Variants in IL1R1 observed in about 807,000 individuals in gnomAD.
The protein encoded by IL1R1 is interleukin 1 receptor type 1.
Under a neutral mutation model 50.2 loss-of-function variants are expected in IL1R1, and 22 were observed. The ratio of observed to expected loss-of-function variants is 0.44; its 90% CI spans 0.31 to 0.63. IL1R1 has a LOEUF of 0.63. Ranked by LOEUF, IL1R1 falls within the 20% of genes least tolerant of loss-of-function variation. IL1R1 has a pLI of 0.07. For missense variants in IL1R1, 509 were observed against 676.2 expected (o/e 0.75, Z 2.74); for synonymous variants, 251 against 236.7 (o/e 1.06, Z -0.55).
Position 102,146,684 on chromosome 2 carries a change from A to G in IL1R1, c.-84+3664A>G, listed in dbSNP as rs1204851549. On this transcript the variant is annotated intron_variant, in intron 1 of 11. Transcript: ENST00000410023. ...GTGTATAAACTTGTGCCAACAATAT[A>G]TGTATTTCATATGAATGTAGAAGGG... Among the ~76,000 whole-genome samples, 3 of 152,326 alleles carry G rather than the reference A, an allele frequency of 2.0e-5. No individual in the cohort carries two copies. In the East Asian group the frequency reaches 5.8e-4, roughly 29 times the overall value.
At position 102,144,829 on chromosome 2, in the gene IL1R1, T is replaced by A. The variant is rs137964034; in HGVS notation, c.-84+1809T>A. Reference sequence around the variant, plus strand: ...ATGGGCACAGATGTAGCTCTGTGGTTCCCTAGAGAATCGCAGGGCTGCTAT... The same window carrying A: ...ATGGGCACAGATGTAGCTCTGTGGTACCCTAGAGAATCGCAGGGCTGCTAT... On this transcript the variant is annotated intron_variant, in intron 1 of 11. Transcript: ENST00000410023. Among the ~76,000 whole-genome samples, 758 of 152,272 alleles carry A rather than the reference T, an allele frequency of 5.0e-3. 5 individuals carry two copies. The highest frequency in any genetic ancestry group is 0.017 in the African/African-American group (712 of 41,552).
chr2:102,126,335 G>A (rs972084098), intron 1 of IL1R1, among the ~76,000 whole-genome samples: 11 of 152,284 alleles, frequency 7.2e-5, no homozygotes, highest in East Asian at 5.8e-4. Context: ...CTTGTGCCTC[G>A]CTGGAGAGCC....
intron 1 of IL1R1, among the ~76,000 whole-genome samples, chr2:102,132,866 G>A (rs1324886549): frequency 6.6e-6 from 1 of 152,170 alleles, no homozygotes; most frequent in Non-Finnish European, 1.5e-5. Context: ...TAAATTCTTT[G>A]AAGGACCCAA....
At chr2:102,075,569 A>T (rs1288631454) in intron 1 of IL1R1, among the ~76,000 whole-genome samples, 4 of 152,208 alleles carry the variant, frequency 2.6e-5, no homozygotes, top group Admixed American at 2.6e-4. Flanking sequence ...ATACAAATAC[A>T]CATATTTTGA....
chr2:102,102,000 G>C (rs117722856), upstream of IL1R1, among the ~76,000 whole-genome samples: 3 of 152,144 alleles, frequency 2.0e-5, no homozygotes, highest in Non-Finnish European at 2.9e-5. Flanking sequence ...TGTGTGTGGC[G>C]TGTGTGTTCA....
upstream of IL1R1, among the ~76,000 whole-genome samples, chr2:102,139,726 TG>T (rs540678504): frequency 5.6e-4 from 85 of 152,354 alleles, 1 homozygote; most frequent in African/African-American, 2.0e-3. Flanking sequence ...CCTCCTGCTC[TG>T]GCCACGTGAC....
At chr2:102,162,353 A>G (rs1684803570) in intron 3 of IL1R1, among the ~76,000 whole-genome samples, 1 of 152,054 alleles carries the variant, frequency 6.6e-6, no homozygotes. Context: ...CAATCTGATC[A>G]TTTCCGCCTT....
upstream of IL1R1, among the ~76,000 whole-genome samples, chr2:102,141,306 C>G (rs1682631927): frequency 6.6e-6 from 1 of 152,242 alleles, no homozygotes; most frequent in Non-Finnish European, 1.5e-5. Context: ...CCCAGAGACT[C>G]TGACGTGACT....
At chr2:102,093,390 A>G (rs1439506495) in intron 1 of IL1R1, among the ~76,000 whole-genome samples, 1 of 152,202 alleles carries the variant, frequency 6.6e-6, no homozygotes, top group Non-Finnish European at 1.5e-5. Context: ...GATAACAGGT[A>G]TATGTTTAAC....
At chr2:102,169,182 C>T (rs1685458364) in intron 7 of IL1R1, among the ~76,000 whole-genome samples, 1 of 152,106 alleles carries the variant, frequency 6.6e-6, no homozygotes, top group South Asian at 2.1e-4. Context: ...ATGACCAGAT[C>T]CAAGCTTTGA....
chr2:102,101,539 C>T (rs1680142802), upstream of IL1R1, among the ~76,000 whole-genome samples: 1 of 152,206 alleles, frequency 6.6e-6, no homozygotes, highest in African/African-American at 2.4e-5. Context: ...CACACACATA[C>T]TGTACGTGCT....
chr2:102,094,562 A>T (rs1679816924), intron 1 of IL1R1, among the ~76,000 whole-genome samples: 1 of 152,164 alleles, frequency 6.6e-6, no homozygotes, highest in East Asian at 1.9e-4. Context: ...TGAAAGGAAA[A>T]CTTTAGTACG....
rs140057090 is a variant in IL1R1 at position 102,146,351 on chromosome 2, C to G, written c.-84+3331C>G. On this transcript the variant is annotated intron_variant, in intron 1 of 11. Transcript: ENST00000410023. ...ATAATTTTGAAACGATATAATAAAA[C>G]TTATCTACAACATAAGTTTAAAAAA... 2.9e-3 allele frequency among the ~76,000 whole-genome samples: 442 copies of G among 152,272 alleles called. 1 individual carries two copies. Among genetic ancestry groups the G allele is most frequent in the African/African-American group, 0.01 (417 of 41,540 alleles).
intron 1 of IL1R1, among the ~76,000 whole-genome samples, chr2:102,079,852 G>T (rs1029953152): frequency 6.6e-5 from 10 of 151,866 alleles, no homozygotes; most frequent in Non-Finnish European, 1.5e-5. Context: ...ACAAAGCAAC[G>T]GTATCCAAGA....
intron 1 of IL1R1, among the ~76,000 whole-genome samples, chr2:102,144,515 C>T (rs1211311573): frequency 6.6e-6 from 1 of 152,090 alleles, no homozygotes; most frequent in Admixed American, 6.5e-5. Context: ...CAACCTCTCA[C>T]CATTGTTGAA....
At chr2:102,135,256 T>G (rs1454037694) in intron 1 of IL1R1, among the ~76,000 whole-genome samples, 1 of 146,322 alleles carries the variant, frequency 6.8e-6, no homozygotes, top group Non-Finnish European at 1.5e-5. Flanking sequence ...AGCAGAACTT[T>G]GTGGGCGGTA....
intron 1 of IL1R1, among the ~76,000 whole-genome samples, chr2:102,112,915 C>T (rs143188610): frequency 6.6e-6 from 1 of 152,146 alleles, no homozygotes; most frequent in African/African-American, 2.4e-5. Flanking sequence ...GGATTAGTGC[C>T]CCTGTAAGAA....
At position 102,137,272 on chromosome 2, in the gene IL1R1, A is replaced by G. The variant is rs140490118; in HGVS notation, c.-83-16669A>G. 9.9e-5 allele frequency among the ~76,000 whole-genome samples: 15 copies of G among 152,258 alleles called. No homozygotes were observed. In the East Asian group the frequency reaches 2.3e-3, roughly 24 times the overall value. On this transcript the variant is annotated intron_variant, in intron 1 of 10. Transcript: ENST00000409329. ...ACAGTCATTGTTTTGATGATCTATT[A>G]TTTTGCTAGAATCTACCCTGAAACT...
At chr2:102,140,254 A>G (rs1384304871), upstream of IL1R1, among the ~76,000 whole-genome samples, 2 of 152,220 alleles carry the variant, frequency 1.3e-5, no homozygotes, top group Admixed American at 6.5e-5. Flanking sequence ...ATGTCCTGCC[A>G]CATGGGCCAT....
Sources: allele counts gnomAD v4.1 joint callset (sites outside exome capture counted in the v4.1 genomes callset), GRCh38; gene constraint gnomAD v4.1.1; transcripts MANE v1.5; gene names NCBI Gene and HGNC (gene_info 2026-07-23, HGNC 2026-07-21).